PTPRD: variants seen among roughly 807,000 people sequenced by gnomAD.
PTPRD encodes the protein protein tyrosine phosphatase receptor type D, also known as receptor-type tyrosine-protein phosphatase delta.
A neutral mutation model predicts 214.5 loss-of-function variants in PTPRD; 34 were observed. The ratio of observed to expected loss-of-function variants is 0.16; its 90% CI spans 0.12 to 0.21. The LOEUF (loss-of-function observed/expected upper bound fraction) is 0.21, where lower values mean the gene tolerates loss of function less well. Ranked by LOEUF, PTPRD falls within the 10% of genes least tolerant of loss-of-function variation. The probability of loss-of-function intolerance (pLI) is 1.00; values close to 1 mark genes in which losing one functional copy is unlikely to be tolerated. For synonymous variants in PTPRD, 1,128 were observed against 845.7 expected (o/e 1.33, Z -5.79); for missense variants, 2,545 against 2,398.7 (o/e 1.06, Z -1.27).
chr9:8,536,801 G>C (rs1199122980), intron 14 of PTPRD, among the ~76,000 whole-genome samples: 1 of 151,918 alleles, frequency 6.6e-6, no homozygotes, highest in East Asian at 1.9e-4. Context: ...GTCCCTCTTC[G>C]GTTTATGGGA....
chr9:9,820,083 G>A (rs1010535283), intron 5 of PTPRD, among the ~76,000 whole-genome samples: 7 of 152,156 alleles, frequency 4.6e-5, no homozygotes, highest in Admixed American at 1.3e-4. Flanking sequence ...CGCAGTGGCT[G>A]AAGTAATTTA....
intron 2 of PTPRD, among the ~76,000 whole-genome samples, chr9:10,392,904 A>G (rs924054703): frequency 1.3e-5 from 2 of 151,836 alleles, no homozygotes; most frequent in African/African-American, 4.8e-5. Flanking sequence ...TGGAGTAGGC[A>G]GGTCTTGGTA....
intron 3 of PTPRD, among the ~76,000 whole-genome samples, chr9:10,261,967 G>T (rs937694642): frequency 2.6e-5 from 4 of 151,984 alleles, no homozygotes; most frequent in African/African-American, 9.7e-5. Context: ...TAGATTCAGG[G>T]AATTAATATG....
At chr9:8,906,273 GT>G (rs577387673) in intron 11 of PTPRD, among the ~76,000 whole-genome samples, 5 of 152,092 alleles carry the variant, frequency 3.3e-5, no homozygotes, top group Non-Finnish European at 7.4e-5. Context: ...GCTAAGCACT[GT>G]TTTTTTAAGC....
chr9:9,229,844 C>A (rs2099961966), intron 9 of PTPRD, among the ~76,000 whole-genome samples: 2 of 151,968 alleles, frequency 1.3e-5, no homozygotes, highest in Non-Finnish European at 2.9e-5. Flanking sequence ...ACTGATACTT[C>A]ATATTTGGTT....
At chr9:9,416,488 C>T (rs559797606) in intron 8 of PTPRD, among the ~76,000 whole-genome samples, 8 of 152,134 alleles carry the variant, frequency 5.3e-5, no homozygotes, top group Non-Finnish European at 1.0e-4. Context: ...GTGAACAGAG[C>T]GTGCTCGGTG....
At chr9:9,641,940 A>G (rs1181511600) in intron 7 of PTPRD, among the ~76,000 whole-genome samples, 1 of 152,144 alleles carries the variant, frequency 6.6e-6, no homozygotes, top group African/African-American at 2.4e-5. Flanking sequence ...TAAGTTAATC[A>G]TGCTGCTATA....
At chr9:10,081,214 CT>C (rs1299177904) in intron 3 of PTPRD, among the ~76,000 whole-genome samples, 1 of 151,926 alleles carries the variant, frequency 6.6e-6, no homozygotes, top group Non-Finnish European at 1.5e-5. Flanking sequence ...AAGTTAATAA[CT>C]TTCAAAATAA....
chr9:9,212,750 C>T (rs1383291770), intron 9 of PTPRD, among the ~76,000 whole-genome samples: 3 of 152,060 alleles, frequency 2.0e-5, no homozygotes, highest in Non-Finnish European at 4.4e-5. Context: ...GGACTCAAGA[C>T]GATTCCTACT....
chr9:10,071,335 G>A (rs534925098), intron 3 of PTPRD, among the ~76,000 whole-genome samples: 1 of 152,110 alleles, frequency 6.6e-6, no homozygotes, highest in Non-Finnish European at 1.5e-5. Context: ...TGGACATGAG[G>A]AACAAAGTTA....
intron 11 of PTPRD, among the ~76,000 whole-genome samples, chr9:8,889,966 G>A (rs935242216): frequency 6.6e-6 from 1 of 152,136 alleles, no homozygotes; most frequent in African/African-American, 2.4e-5. Flanking sequence ...TTTCCTCTGG[G>A]TAGATACCCA....
chr9:10,127,246 C>A (rs950326778), intron 3 of PTPRD, among the ~76,000 whole-genome samples: 1 of 152,110 alleles, frequency 6.6e-6, no homozygotes, highest in African/African-American at 2.4e-5. Context: ...TACTGGCACA[C>A]AAGACCAATG....
intron 10 of PTPRD, among the ~76,000 whole-genome samples, chr9:9,074,676 T>A (rs2099748462): frequency 1.3e-5 from 2 of 152,112 alleles, no homozygotes; most frequent in African/African-American, 4.8e-5. Flanking sequence ...GAGAAATGTC[T>A]ATTCAGAGCT....
intron 3 of PTPRD, among the ~76,000 whole-genome samples, chr9:10,208,608 T>G (rs936807433): frequency 1.3e-5 from 2 of 152,242 alleles, no homozygotes; most frequent in Admixed American, 1.3e-4. Context: ...CAGAAGTTAT[T>G]TCATCTTTTA....
intron 9 of PTPRD, among the ~76,000 whole-genome samples, chr9:9,257,009 G>A (rs754914008): frequency 7.9e-5 from 12 of 151,992 alleles, no homozygotes; most frequent in South Asian, 4.1e-4. Context: ...ATTCTTTAAG[G>A]GTTGTTCCCT....
intron 8 of PTPRD, among the ~76,000 whole-genome samples, chr9:9,449,435 A>G (rs1250753679): frequency 6.6e-6 from 1 of 152,042 alleles, no homozygotes; most frequent in Non-Finnish European, 1.5e-5. Context: ...AGCTACCAGT[A>G]GTGAATTGTA....
chr9:10,388,018 C>A (rs539802847), intron 2 of PTPRD, among the ~76,000 whole-genome samples: 1 of 151,480 alleles, frequency 6.6e-6, no homozygotes, highest in African/African-American at 2.4e-5. Context: ...CTAGAGTACA[C>A]TGGGAACTTC....
chr9:8,688,974 T>C (rs982565981), intron 12 of PTPRD, among the ~76,000 whole-genome samples: 3 of 152,190 alleles, frequency 2.0e-5, no homozygotes, highest in Admixed American at 2.0e-4. Context: ...TTCTAAATTT[T>C]ATAAATCAGG....
intron 7 of PTPRD, among the ~76,000 whole-genome samples, chr9:9,629,034 C>A (rs935179588): frequency 1.3e-5 from 2 of 151,506 alleles, no homozygotes; most frequent in African/African-American, 2.4e-5. Flanking sequence ...ATTAGCCAGG[C>A]ATGGTGGTGT....
Sources: gnomAD v4.1 joint callset for allele counts (sites outside exome capture counted in the v4.1 genomes callset) on GRCh38, gnomAD v4.1.1 for gene constraint, MANE v1.5 for transcripts, NCBI Gene and HGNC (gene_info 2026-07-23, HGNC 2026-07-21) for gene names.